The following PDLIM5 variants were observed in gnomAD, a reference collection of about 807,000 sequenced individuals.
PDLIM5 encodes the protein PDZ and LIM domain 5, also known as PDZ and LIM domain protein 5.
A neutral mutation model predicts 64.2 loss-of-function variants in PDLIM5; 34 were observed. The observed-to-expected ratio is 0.53, with a 90% CI of 0.40 to 0.71. PDLIM5 has a LOEUF of 0.71. Among genes scored for constraint, PDLIM5 ranks in the 30% least tolerant of loss-of-function variants. PDLIM5 has a pLI of 0.00. For synonymous variants in PDLIM5, 253 were observed against 269.1 expected (o/e 0.94, Z 0.59); for missense variants, 683 against 733.6 (o/e 0.93, Z 0.80).
intron 8 of PDLIM5, among the ~76,000 whole-genome samples, chr4:94,634,311 T>C (rs962460658): frequency 6.6e-6 from 1 of 151,946 alleles, no homozygotes; most frequent in African/African-American, 2.4e-5. Flanking sequence ...ACTATGGAGG[T>C]GGTGAGACAT....
At chr4:94,639,023 C>T (rs1006096588) in intron 8 of PDLIM5, among the ~76,000 whole-genome samples, 10 of 151,978 alleles carry the variant, frequency 6.6e-5, no homozygotes, top group East Asian at 1.9e-4. Context: ...ATATGGAGAG[C>T]GTTGGGGAGA....
chr4:94,548,980 A>C (rs1447867279), intron 3 of PDLIM5, among the ~76,000 whole-genome samples: 4 of 151,998 alleles, frequency 2.6e-5, no homozygotes, highest in African/African-American at 9.7e-5. Flanking sequence ...GTGCTAAGTT[A>C]AAAGAAAAAA....
chr4:94,480,147 A>G (rs553514704), intron 2 of PDLIM5, among the ~76,000 whole-genome samples: 33 of 152,338 alleles, frequency 2.2e-4, no homozygotes, highest in African/African-American at 7.5e-4. Context: ...GACCATAGAG[A>G]ATATACATAA....
At chr4:94,542,661 T>C (rs1202360332) in intron 3 of PDLIM5, among the ~76,000 whole-genome samples, 2 of 152,216 alleles carry the variant, frequency 1.3e-5, no homozygotes, top group Admixed American at 6.5e-5. Context: ...ATTTCACTTG[T>C]TGGAAAATGA....
At chr4:94,558,547 G>A (rs184254803) in intron 3 of PDLIM5, among the ~76,000 whole-genome samples, 281 of 152,014 alleles carry the variant, frequency 1.8e-3, no homozygotes, top group African/African-American at 6.5e-3. Context: ...ATCCTAAGGT[G>A]GTGTTACAGC....
chr4:94,565,348 T>G (rs1175426949), intron 3 of PDLIM5, among the ~76,000 whole-genome samples: 4 of 152,362 alleles, frequency 2.6e-5, no homozygotes, highest in South Asian at 2.1e-4. Context: ...GTTATATGAA[T>G]GTGTAGTCAA....
At position 94,640,266 on chromosome 4, in the gene PDLIM5, T is replaced by C. The variant is rs144245422; in HGVS notation, c.1109-10T>C. On this transcript the variant is annotated splice_polypyrimidine_tract_variant and intron_variant, in intron 8 of 12. Coordinates refer to ENST00000317968, the MANE Select transcript of PDLIM5 (RefSeq NM_006457.5). ...TATTCTCATTCTGATTCTTCTGTTT[T>C]AACTCCTAGTACCTTCCACTGGAAG... 181 of 1,528,040 alleles carry C rather than the reference T, an allele frequency of 1.2e-4. 1 individual carries two copies. The African/African-American group carries it at 2.2e-3, about 18-fold the overall frequency. 94.7% of individuals were successfully genotyped at this position (1,528,040 alleles called of 1,614,324 possible). A position where few individuals can be genotyped will look rare whatever the true frequency, so the allele number is the denominator to read the frequency against.
chr4:94,471,811 T>TATTC (rs1724894805), intron 2 of PDLIM5, among the ~76,000 whole-genome samples: 1 of 152,180 alleles, frequency 6.6e-6, no homozygotes, highest in East Asian at 1.9e-4. Context: ...ACACAGTAAG[T>TATTC]ATTCAGTTAA....
intron 2 of PDLIM5, among the ~76,000 whole-genome samples, chr4:94,509,598 T>A (rs1578276057): frequency 6.6e-6 from 1 of 152,272 alleles, no homozygotes; most frequent in African/African-American, 2.4e-5. Context: ...TAATGGAATA[T>A]ATATGTAAAG....
intron 3 of PDLIM5, among the ~76,000 whole-genome samples, chr4:94,573,017 A>G (rs1180506872): frequency 1.3e-5 from 2 of 152,164 alleles, no homozygotes; most frequent in Non-Finnish European, 2.9e-5. Flanking sequence ...CATGTTTATT[A>G]TACTTTACCC....
At chr4:94,657,590 G>A (rs761131307) in intron 11 of PDLIM5, 43 bp downstream of exon 11, 29 of 1,496,178 alleles carry the variant, frequency 1.9e-5, no homozygotes, top group Non-Finnish European at 2.7e-5. Flanking sequence ...TTGAATAAAG[G>A]TAAAACATTA....
intron 8 of PDLIM5, among the ~76,000 whole-genome samples, chr4:94,625,653 C>T (rs970308382): frequency 6.6e-6 from 1 of 152,070 alleles, no homozygotes; most frequent in African/African-American, 2.4e-5. Flanking sequence ...CGGGGTTTCA[C>T]CGTGTTAGCC....
chr4:94,654,656 G>A lies in PDLIM5; in HGVS notation c.1464+16G>A, dbSNP rs760140603. 1.6e-5 allele frequency: 24 copies of A among 1,531,432 alleles called. No individual in the cohort carries two copies. Among genetic ancestry groups the A allele is most frequent in the African/African-American group, 2.8e-5 (2 of 72,718 alleles). The allele number at this position is 1,531,432 out of a possible 1,614,324, so 94.9% of individuals were successfully genotyped here. On this transcript the variant is annotated intron_variant, in intron 10 of 12. Transcript: ENST00000317968. Reference sequence around the variant, plus strand: ...GATCCTTGGAGTAAGTATTGGAAACGTTTTTATTCTGAATGAGTTTTAAAG... The same window carrying A: ...GATCCTTGGAGTAAGTATTGGAAACATTTTTATTCTGAATGAGTTTTAAAG...
At chr4:94,456,072 A>G (rs1286446022) in intron 2 of PDLIM5, 4 of 1,127,932 alleles carry the variant, frequency 3.5e-6, no homozygotes, top group Admixed American at 3.4e-5. Flanking sequence ...ACTATATGTC[A>G]GGTACTGTTT....
intron 2 of PDLIM5, among the ~76,000 whole-genome samples, chr4:94,459,104 A>G (rs760951312): frequency 1.5e-4 from 23 of 152,202 alleles, no homozygotes; most frequent in Non-Finnish European, 3.2e-4. Flanking sequence ...ATATTTTATA[A>G]CAAGAAATAG....
intron 2 of PDLIM5, among the ~76,000 whole-genome samples, chr4:94,479,148 C>T (rs936944786): frequency 2.0e-5 from 3 of 151,582 alleles, no homozygotes; most frequent in Non-Finnish European, 4.4e-5. Context: ...AATCCTCCCA[C>T]CTCGGCCTTC....
Position 94,514,928 on chromosome 4 carries a change from T to A in PDLIM5, c.97-8796T>A, listed in dbSNP as rs568194854. Among the ~76,000 whole-genome samples the A allele has an allele frequency of 3.3e-5, 5 of 152,356 alleles. No individual in the cohort carries two copies. The South Asian group carries it at 1.0e-3, about 32-fold the overall frequency. ...ATTTTATTTTTAAATGTGCATACTT[T>A]TTAAGAAAGAATTTCTAAAGAAAAG... On this transcript the variant is annotated intron_variant, in intron 2 of 12. Transcript: ENST00000317968.
chr4:94,490,912 T>C (rs1381454035), intron 2 of PDLIM5, among the ~76,000 whole-genome samples: 1 of 152,204 alleles, frequency 6.6e-6, no homozygotes, highest in African/African-American at 2.4e-5. Context: ...GTTATTTTTA[T>C]ACTGCTATGT....
intron 3 of PDLIM5, among the ~76,000 whole-genome samples, chr4:94,530,969 AG>A (rs1730823756): frequency 6.6e-6 from 1 of 152,220 alleles, no homozygotes; most frequent in Non-Finnish European, 1.5e-5. Flanking sequence ...GAATAGAGGC[AG>A]GAGTTTAGAA....
Sources: allele counts gnomAD v4.1 joint callset (sites outside exome capture counted in the v4.1 genomes callset), GRCh38; gene constraint gnomAD v4.1.1; transcripts MANE v1.5; gene names NCBI Gene and HGNC (gene_info 2026-07-23, HGNC 2026-07-21).